Variants in TTC27 observed in about 807,000 individuals in gnomAD.
The protein encoded by TTC27 is tetratricopeptide repeat domain 27.
A neutral mutation model predicts 115.9 loss-of-function variants in TTC27; 79 were observed. The ratio of observed to expected loss-of-function variants is 0.68; its 90% CI spans 0.57 to 0.82. TTC27 has a LOEUF of 0.82. TTC27 is among the 40% of genes least tolerant of loss of function. The pLI, the probability that TTC27 is intolerant of heterozygous loss-of-function variation, is 0.00. For missense variants in TTC27, 1,054 were observed against 993.1 expected (o/e 1.06, Z -0.82); for synonymous variants, 401 against 356.0 (o/e 1.13, Z -1.42).
chr2:32,633,749 C>A, intron 2 of TTC27, 127 bp from the exon 3 acceptor site: 4 of 1,133,604 alleles, frequency 3.5e-6, no homozygotes, highest in Non-Finnish European at 4.8e-6. Flanking sequence ...TTTGGTAATA[C>A]TCTAGGATAG....
intron 3 of TTC27, among the ~76,000 whole-genome samples, chr2:32,637,469 C>G (rs1355181173): frequency 2.0e-5 from 3 of 151,896 alleles, no homozygotes; most frequent in African/African-American, 7.3e-5. Flanking sequence ...GTAGCTGGGA[C>G]TACAGGCGCC....
chr2:32,628,977 C>G (rs1029650273), intron 1 of TTC27, among the ~76,000 whole-genome samples: 3 of 151,296 alleles, frequency 2.0e-5, no homozygotes, highest in Admixed American at 6.6e-5. Flanking sequence ...CCTAGCTGGT[C>G]TGGAACTCCT....
At chr2:32,762,647 T>A (rs1205540368) in intron 13 of TTC27, among the ~76,000 whole-genome samples, 3 of 151,904 alleles carry the variant, frequency 2.0e-5, no homozygotes, top group East Asian at 3.9e-4. Context: ...TTTGTTTTGT[T>A]TTTTGAGATG....
At chr2:32,729,019 ACG>A (rs139074175) in intron 10 of TTC27, among the ~76,000 whole-genome samples, 2 of 150,994 alleles carry the variant, frequency 1.3e-5, no homozygotes, top group African/African-American at 4.9e-5. Context: ...ACACACACAC[ACG>A]TACAAAGATT....
chr2:32,714,711 G>T (rs779931965), intron 10 of TTC27, among the ~76,000 whole-genome samples: 1 of 152,134 alleles, frequency 6.6e-6, no homozygotes, highest in African/African-American at 2.4e-5. Context: ...CCCATCAACG[G>T]TATGTAAGTG....
intron 13 of TTC27, among the ~76,000 whole-genome samples, chr2:32,761,016 C>G (rs1226527908): frequency 2.0e-5 from 3 of 152,146 alleles, no homozygotes; most frequent in African/African-American, 7.2e-5. Flanking sequence ...ACACTGACAA[C>G]TTCCCAGATT....
chr2:32,702,243 C>T (rs1376440743), intron 9 of TTC27, among the ~76,000 whole-genome samples: 1 of 152,036 alleles, frequency 6.6e-6, no homozygotes, highest in Non-Finnish European at 1.5e-5. Flanking sequence ...AGGTCTTTCT[C>T]CTTTATTTGT....
chr2:32,765,412 T>C (rs1669592318), intron 13 of TTC27, among the ~76,000 whole-genome samples: 2 of 151,706 alleles, frequency 1.3e-5, no homozygotes, highest in Admixed American at 1.3e-4. Flanking sequence ...AAATATTCAG[T>C]AAACCGTGCT....
intron 7 of TTC27, among the ~76,000 whole-genome samples, chr2:32,668,009 C>T (rs754891775): frequency 1.3e-5 from 2 of 151,372 alleles, no homozygotes; most frequent in African/African-American, 2.4e-5. Flanking sequence ...CATGGTGAAA[C>T]CCCGTCTCTA....
chr2:32,760,416 G>A lies in TTC27; in HGVS notation c.1680+1897G>A, dbSNP rs147136680. On this transcript the variant is annotated intron_variant, in intron 13 of 19. Transcript: ENST00000317907. ...CATTTTTGGTTTTGACAGTGGGGACGTGTGGGGATGTGCTACTGACATCGA... is the reference window on the plus strand; with the variant it reads ...CATTTTTGGTTTTGACAGTGGGGACATGTGGGGATGTGCTACTGACATCGA... Among the ~76,000 whole-genome samples, 91 of 152,240 alleles carry A rather than the reference G, an allele frequency of 6.0e-4. 1 individual carries two copies. In the East Asian group the frequency reaches 0.016, roughly 27 times the overall value.
intron 12 of TTC27, among the ~76,000 whole-genome samples, chr2:32,737,704 T>A (rs1668492414): frequency 6.6e-6 from 1 of 152,134 alleles, no homozygotes; most frequent in Admixed American, 6.5e-5. Context: ...AACAAAGTTT[T>A]ACTGTGGAAG....
chr2:32,817,947 C>G (rs560824807), intron 19 of TTC27, among the ~76,000 whole-genome samples: 1 of 152,138 alleles, frequency 6.6e-6, no homozygotes, highest in African/African-American at 2.4e-5. Context: ...ATCCCAGCCA[C>G]TCAGGAGGCT....
At chr2:32,790,050 AAT>A (rs1290913342) in intron 16 of TTC27, among the ~76,000 whole-genome samples, 1 of 151,992 alleles carries the variant, frequency 6.6e-6, no homozygotes, top group Non-Finnish European at 1.5e-5. Context: ...ATCTAAAAAA[AAT>A]AGCTATATTT....
intron 9 of TTC27, among the ~76,000 whole-genome samples, chr2:32,699,775 T>G (rs1667119494): frequency 6.6e-6 from 1 of 152,234 alleles, no homozygotes; most frequent in South Asian, 2.1e-4. Context: ...TATTATCCAG[T>G]TAGTTCCTTC....
intron 12 of TTC27, among the ~76,000 whole-genome samples, chr2:32,744,593 G>A (rs1668753652): frequency 6.6e-6 from 1 of 152,154 alleles, no homozygotes; most frequent in Non-Finnish European, 1.5e-5. Flanking sequence ...CTAATGGAAG[G>A]AGTTGAGGAA....
chr2:32,734,060 T>C, intron 11 of TTC27, 137 bp downstream of exon 11: 1 of 525,118 alleles, frequency 1.9e-6, no homozygotes, highest in Non-Finnish European at 3.2e-6. Flanking sequence ...TGCCTGGGAA[T>C]TGCTAACTAC....
chr2:32,630,971 C>T (rs1025079656), intron 2 of TTC27, among the ~76,000 whole-genome samples: 4 of 151,914 alleles, frequency 2.6e-5, no homozygotes, highest in Non-Finnish European at 5.9e-5. Context: ...CGGCTTTACC[C>T]ACCGGCAAAA....
At chr2:32,786,587 T>C (rs3820916) in intron 15 of TTC27, among the ~76,000 whole-genome samples, 7,607 of 152,278 alleles carry the variant, frequency 0.05, 205 homozygotes, top group East Asian at 0.096. Flanking sequence ...TTGACCTCCT[T>C]GCCTCTGGTC....
At chr2:32,748,645 G>T (rs1457731971) in intron 12 of TTC27, among the ~76,000 whole-genome samples, 2 of 150,772 alleles carry the variant, frequency 1.3e-5, no homozygotes, top group South Asian at 2.1e-4. Context: ...TTTCTTGATG[G>T]AGTAAACATT....
Sources: gnomAD v4.1 joint callset for allele counts (sites outside exome capture counted in the v4.1 genomes callset) on GRCh38, gnomAD v4.1.1 for gene constraint, MANE v1.5 for transcripts, NCBI Gene and HGNC (gene_info 2026-07-23, HGNC 2026-07-21) for gene names.